Variants in KIAA1217 observed in about 807,000 individuals in gnomAD.
The protein encoded by KIAA1217 is KIAA1217, also known as sickle tail protein homolog.
In KIAA1217, 88 loss-of-function variants were observed where a neutral mutation model predicts 163.9. That is an observed-to-expected ratio of 0.54 (90% CI 0.45 to 0.64). The LOEUF is 0.64. Among genes scored for constraint, KIAA1217 ranks in the 30% least tolerant of loss-of-function variants. KIAA1217 has a pLI of 0.00. For synonymous variants in KIAA1217, 903 were observed against 923.1 expected (o/e 0.98, Z 0.39); for missense variants, 2,372 against 2,475.0 (o/e 0.96, Z 0.88).
At position 24,457,012 on chromosome 10, in the gene KIAA1217, T is replaced by A. The variant is rs149150803; in HGVS notation, c.847-16216T>A. ...CCACTGTGCCCGGCCAATTAAACCC[T>A]TTTTAATTAAAAAAAAAAATTGGAA... On this transcript the variant is annotated intron_variant, in intron 5 of 20. Coordinates refer to ENST00000376454, the MANE Select transcript of KIAA1217 (RefSeq NM_019590.5). 3.1e-3 allele frequency among the ~76,000 whole-genome samples: 468 copies of A among 150,496 alleles called. 3 individuals carry two copies. Among genetic ancestry groups the A allele is most frequent in the African/African-American group, 0.011 (444 of 41,328 alleles).
In KIAA1217 at chr10:24,129,009, G is replaced by T. The variant is rs551051233; in HGVS notation, c.-170-90617G>T. On this transcript the variant is annotated intron_variant, in intron 2 of 18. Transcript: ENST00000376462. ...AGTCGGAGTGCATTTCCCTAACAAA[G>T]AAATATTTTCCCTCTTTGTATAGGG... is the stretch of plus-strand genomic sequence containing the variant. 1.5e-3 allele frequency among the ~76,000 whole-genome samples: 223 copies of T among 152,190 alleles called. 1 individual carries two copies. The highest frequency in any genetic ancestry group is 7.5e-3 in the South Asian group (36 of 4,812).
intron 2 of KIAA1217, among the ~76,000 whole-genome samples, chr10:24,343,157 C>T (rs1300969257): frequency 1.3e-5 from 2 of 152,092 alleles, no homozygotes; most frequent in African/African-American, 4.8e-5. Context: ...GTATTTTTTT[C>T]CACAGGATAA....
chr10:23,768,812 G>T (rs571985401), intron 1 of KIAA1217, among the ~76,000 whole-genome samples: 145 of 152,254 alleles, frequency 9.5e-4, no homozygotes, highest in African/African-American at 3.4e-3. Context: ...TGCCTCATGG[G>T]AATGCTTGGA....
intron 1 of KIAA1217, among the ~76,000 whole-genome samples, chr10:23,782,376 G>A (rs1835296957): frequency 1.3e-5 from 2 of 152,110 alleles, no homozygotes; most frequent in Admixed American, 6.5e-5. Context: ...TGTTACTGGT[G>A]TAAAAAAATA....
At chr10:24,397,358 G>A (rs1002951072) in intron 3 of KIAA1217, among the ~76,000 whole-genome samples, 3 of 152,104 alleles carry the variant, frequency 2.0e-5, no homozygotes, top group Non-Finnish European at 4.4e-5. Flanking sequence ...AAAGTGCTGG[G>A]ATTACAGGCG....
intron 2 of KIAA1217, among the ~76,000 whole-genome samples, chr10:24,172,564 C>G (rs1564787018): frequency 6.6e-6 from 1 of 152,166 alleles, no homozygotes; most frequent in Non-Finnish European, 1.5e-5. Flanking sequence ...AATAACAGTA[C>G]CTATTTTACT....
At chr10:24,198,629 G>A (rs919269029) in intron 2 of KIAA1217, among the ~76,000 whole-genome samples, 2 of 151,002 alleles carry the variant, frequency 1.3e-5, no homozygotes, top group East Asian at 1.9e-4. Flanking sequence ...TGTGTGCCTC[G>A]GGCTGTGGTA....
intron 1 of KIAA1217, among the ~76,000 whole-genome samples, chr10:23,849,956 C>A (rs776100993): frequency 6.6e-6 from 1 of 152,094 alleles, no homozygotes; most frequent in Non-Finnish European, 1.5e-5. Flanking sequence ...ACTTTCTAAC[C>A]TGAATAGCCT....
intron 1 of KIAA1217, among the ~76,000 whole-genome samples, chr10:23,870,308 A>T (rs1028088352): frequency 3.3e-5 from 5 of 152,038 alleles, no homozygotes; most frequent in African/African-American, 1.2e-4. Context: ...TTTCCTGCTC[A>T]CTGCTTGGCC....
chr10:24,243,494 C>A (rs937521119), intron 2 of KIAA1217, among the ~76,000 whole-genome samples: 1 of 151,894 alleles, frequency 6.6e-6, no homozygotes, highest in African/African-American at 2.4e-5. Flanking sequence ...GTTTAACTCC[C>A]GCTTAATAAG....
At position 24,543,888 on chromosome 10, in the gene KIAA1217, A is replaced by G; in HGVS notation, c.4618A>G (p.Arg1540Gly). 1.2e-6 allele frequency: 2 copies of G among 1,614,126 alleles called. No individual in the cohort carries two copies. Among genetic ancestry groups the G allele is most frequent in the South Asian group, 1.1e-5 (1 of 91,066 alleles). ...AAACCCAGGAGGACAGGAAATGAACAGAACGGAGCTGAACAAGTTCAGCCA... is the reference window on the plus strand; with the variant it reads ...AAACCCAGGAGGACAGGAAATGAACGGAACGGAGCTGAACAAGTTCAGCCA... ...TRNPGGQEMN[R>G]TELNKFSHVD... Residue 1540 changes from arginine (R) to glycine (G), a missense_variant, in exon 19 of 21, where the codon AGA (arginine) becomes GGA (glycine). Physicochemically the swap from Arg to Gly is moderately radical, Grantham distance 125. Around this residue, in one of 3 missense-constraint regions of KIAA1217, gnomAD observed 690 missense variants for 677.5 expected, o/e 1.02. Transcript: ENST00000376454.
intron 2 of KIAA1217, among the ~76,000 whole-genome samples, chr10:24,353,729 C>T (rs2134066229): frequency 6.6e-6 from 1 of 152,280 alleles, no homozygotes; most frequent in East Asian, 1.9e-4. Context: ...TTTTTCCAGG[C>T]AATTAGCAAA....
intron 1 of KIAA1217, among the ~76,000 whole-genome samples, chr10:23,937,249 A>T (rs1207198259): frequency 1.3e-5 from 2 of 152,066 alleles, no homozygotes; most frequent in African/African-American, 4.8e-5. Flanking sequence ...GCTTTTTAGG[A>T]GTGAGGGAGG....
At position 23,866,328 on chromosome 10, in the gene KIAA1217, T is replaced by C. The variant is rs137955874; in HGVS notation, c.-320-140897T>C. 5.3e-5 allele frequency among the ~76,000 whole-genome samples: 8 copies of C among 152,302 alleles called. No homozygotes were observed. The East Asian group carries it at 7.7e-4, about 15-fold the overall frequency. On this transcript the variant is annotated intron_variant, in intron 1 of 18. Coordinates refer to the KIAA1217 transcript ENST00000376462. Reference sequence around the variant, plus strand: ...AGCCTCAGGGAGAACTCCTCTGTTATGTCTAGATGATTCTACAGTACTGAT... The same window carrying C: ...AGCCTCAGGGAGAACTCCTCTGTTACGTCTAGATGATTCTACAGTACTGAT...
chr10:24,479,058 A>C (rs535221988), intron 6 of KIAA1217, among the ~76,000 whole-genome samples: 1 of 152,274 alleles, frequency 6.6e-6, no homozygotes, highest in South Asian at 2.1e-4. Context: ...AGGAAGAAAA[A>C]TTTTGCCCAT....
chr10:24,081,560 G>C (rs1216363461), intron 2 of KIAA1217, among the ~76,000 whole-genome samples: 1 of 152,150 alleles, frequency 6.6e-6, no homozygotes, highest in East Asian at 1.9e-4. Flanking sequence ...GCTGTTTTCA[G>C]CTTCTTGCCT....
At chr10:24,203,586 A>G (rs2130540181) in intron 2 of KIAA1217, among the ~76,000 whole-genome samples, 1 of 133,654 alleles carries the variant, frequency 7.5e-6, no homozygotes, top group Non-Finnish European at 1.5e-5. Flanking sequence ...AGGTCACTGC[A>G]GCTTTGAGAA....
intron 1 of KIAA1217, among the ~76,000 whole-genome samples, chr10:23,858,144 C>G (rs938552359): frequency 1.1e-4 from 16 of 152,024 alleles, no homozygotes; most frequent in Admixed American, 9.2e-4. Context: ...GGAGCCAAGG[C>G]CGGATCTTCT....
intron 1 of KIAA1217, among the ~76,000 whole-genome samples, chr10:23,765,524 A>G (rs1055626960): frequency 1.8e-4 from 27 of 151,948 alleles, no homozygotes; most frequent in Admixed American, 1.1e-3. Flanking sequence ...ATGCATTGAC[A>G]TGGTTTGGCT....
Sources: gnomAD v4.1 joint callset for allele counts (sites outside exome capture counted in the v4.1 genomes callset) on GRCh38, gnomAD v4.1.1 for gene constraint, gnomAD v4.1.1 regional missense constraint, MANE v1.5 for transcripts, NCBI Gene and HGNC (gene_info 2026-07-23, HGNC 2026-07-21) for gene names.